Variants in MYBBP1A observed in about 807,000 individuals in gnomAD.
MYBBP1A encodes the protein MYB binding protein 1a, also known as myb-binding protein 1A.
A neutral mutation model predicts 136.3 loss-of-function variants in MYBBP1A; 147 were observed. That is an observed-to-expected ratio of 1.08 (90% CI 0.94 to 1.24). The LOEUF (loss-of-function observed/expected upper bound fraction) is 1.24. MYBBP1A is among the 50% of genes most tolerant of loss of function. MYBBP1A has a pLI of 0.00. For missense variants in MYBBP1A, 2,060 were observed against 1,727.4 expected, an observed-to-expected ratio of 1.19 and a Z score of -3.41; for synonymous variants, 947 against 735.8, an observed-to-expected ratio of 1.29 and a Z score of -4.65.
chr17:4,540,088 CT>C, intron 25 of MYBBP1A, 121 bp from the exon 26 acceptor site: 1 of 1,282,282 alleles, frequency 7.8e-7, no homozygotes, highest in Admixed American at 2.2e-5. Context: ...TGTGAGGCCC[CT>C]ATGAGGGTCC....
intron 13 of MYBBP1A, among the ~76,000 whole-genome samples, chr17:4,547,350 G>A (rs952411372): frequency 7.2e-5 from 11 of 152,280 alleles, no homozygotes; most frequent in South Asian, 2.1e-4. Flanking sequence ...AAGGCCTGAC[G>A]TCAAGAATTG....
intron 2 of MYBBP1A, 85 bp downstream of exon 2, chr17:4,554,776 C>T: frequency 2.2e-6 from 3 of 1,351,436 alleles, no homozygotes; most frequent in Non-Finnish European, 3.1e-6. Flanking sequence ...GCCCCTCCGC[C>T]ACAGCTGAGA....
rs768703531 is a variant in MYBBP1A, at chr17:4,552,202, G to T, written c.828C>A (p.Leu276=). The change falls in exon 7 of 26, where the codon CTC becomes CTA. Residue 276 remains leucine (L), a synonymous_variant. Coordinates refer to ENST00000254718, the MANE Select transcript of MYBBP1A (RefSeq NM_014520.4). This position sits in a 1 kb window ranked among gnomAD's most constrained non-coding sequence, Gnocchi z 4.7. The part of the protein sequence containing the change: ...AIALDLLRLA[L]KEDKFPRFWK... ...AGAACCGTGGGAACTTGTCTTCCTT[G>T]AGTGCCAGGCGGAGCAGGTCCAGAG... is the stretch of plus-strand genomic sequence containing the variant. 3 of 1,614,214 alleles carry T rather than the reference G, an allele frequency of 1.9e-6. No individual in the cohort carries two copies. The South Asian group carries it at 3.3e-5, about 18-fold the overall frequency.
rs373020054 is a variant in MYBBP1A at position 4,543,145 on chromosome 17, C to T, written c.2660G>A (p.Arg887Gln). The T allele has an allele frequency of 6.2e-5, 99 of 1,608,740 alleles. No homozygotes were observed. The highest frequency in any genetic ancestry group is 1.8e-4 in the South Asian group (16 of 90,896). ...RIFTHHLCRA[R>Q]RYCHDLGERA... ...CTCACCCAAGTCGTGGCAGTAGCGC[C>T]GGGCACGGCACAGGTGGTGCCTGTG... Residue 887 changes from arginine to glutamine, a missense_variant, in exon 20 of 26, where the codon CGG (arginine) becomes CAG (glutamine). Physicochemically the swap from Arg to Gln is conservative, Grantham distance 43. Coordinates refer to ENST00000254718, the MANE Select transcript of MYBBP1A (RefSeq NM_014520.4).
rs746901699 is a variant in MYBBP1A, at chr17:4,549,359, T to A, written c.1403A>T (p.Glu468Val). ...SIVDSLHLEMEEALTEQVARF... is the reference protein window; with the variant it reads ...SIVDSLHLEMVEALTEQVARF... ...GGCCACCTGCTCAGTCAAGGCCTCC[T>A]CCATCTCCAGGTGCAGGCTGTCCAC... Residue 468 changes from glutamate to valine, a missense_variant, in exon 10 of 26, where the codon GAG (glutamate) becomes GTG (valine). By Grantham distance (121) the Glu-to-Val change is moderately radical. Transcript: ENST00000254718. 17 of 1,612,616 alleles carry A rather than the reference T, an allele frequency of 1.1e-5. No homozygotes were observed. The African/African-American group carries it at 1.6e-4, about 15-fold the overall frequency.
chr17:4,541,582 G>C lies in MYBBP1A; in HGVS notation c.3196-18C>G. ...CGCAAGTTCTAGGGAAGGGTGGCCA[G>C]GCTGAGGCACTCCGGAGAGCTGCTC... On this transcript the variant is annotated intron_variant, in intron 23 of 25. Coordinates refer to ENST00000254718, the MANE Select transcript of MYBBP1A (RefSeq NM_014520.4). 1.2e-6 allele frequency: 2 copies of C among 1,608,494 alleles called. No individual in the cohort carries two copies. Among genetic ancestry groups the C allele is most frequent in the Non-Finnish European group, 1.7e-6 (2 of 1,178,460 alleles).
At chr17:4,542,036 G>T in intron 22 of MYBBP1A, 145 bp from the exon 23 acceptor site, 1 of 637,596 alleles carries the variant, frequency 1.6e-6, no homozygotes, top group Non-Finnish European at 2.7e-6. Flanking sequence ...GTGACTACCT[G>T]CTCCTGTGCC....
chr17:4,550,804 T>C (rs1014878881), intron 8 of MYBBP1A, among the ~76,000 whole-genome samples: 2 of 152,246 alleles, frequency 1.3e-5, no homozygotes, highest in African/African-American at 4.8e-5. Context: ...CAACCACCTC[T>C]CACGCGCTTA....
At chr17:4,544,240 G>A (rs1054470468) in intron 19 of MYBBP1A, among the ~76,000 whole-genome samples, 2 of 143,472 alleles carry the variant, frequency 1.4e-5, no homozygotes, top group African/African-American at 5.7e-5. Flanking sequence ...AGACTGTCAA[G>A]GGCAGGGATG....
At chr17:4,553,601 T>C (rs1442951864) in intron 5 of MYBBP1A, among the ~76,000 whole-genome samples, 4 of 152,242 alleles carry the variant, frequency 2.6e-5, no homozygotes, top group Non-Finnish European at 4.4e-5. Flanking sequence ...GAAATAATAT[T>C]TTAGATATAC....
At position 4,542,997 on chromosome 17, in the gene MYBBP1A, G is replaced by T; in HGVS notation, c.2808C>A (p.Gly936=). The change falls in exon 20 of 26, where the codon GGC becomes GGA. Residue 936 remains glycine (G), a synonymous_variant. Coordinates refer to ENST00000254718, the MANE Select transcript of MYBBP1A (RefSeq NM_014520.4). ...ASLYLLRVLK[G]NTAEGCVHET... is the part of the protein sequence containing the mutation. The stretch of plus-strand genomic sequence containing the variant: ...CATGCACGCAGCCCTCAGCAGTGTT[G>T]CCCTTCAAGACCCGGAGCAGGTAGA... 1.2e-6 allele frequency: 2 copies of T among 1,614,046 alleles called. No homozygotes were observed. Among genetic ancestry groups the T allele is most frequent in the Non-Finnish European group, 1.7e-6 (2 of 1,179,996 alleles).
Position 4,555,263 on chromosome 17 carries a change from C to A in MYBBP1A, c.62G>T (p.Arg21Leu). Residue 21 changes from arginine to leucine, a missense_variant, in exon 1 of 26, where the codon CGG (arginine) becomes CTG (leucine). Coordinates refer to ENST00000254718, the MANE Select transcript of MYBBP1A (RefSeq NM_014520.4). The stretch of plus-strand genomic sequence containing the variant: ...CAATAGGCCATAGCGGTCGGCAGGC[C>A]GGGCGCCACTCTGCGTCGCTTCTCC... ...SPGEATQSGA[R>L]PADRYGLLKH... The A allele has an allele frequency of 6.2e-7, 1 of 1,611,670 alleles. No homozygotes were observed. Among genetic ancestry groups the A allele is most frequent in the Non-Finnish European group, 8.5e-7 (1 of 1,179,494 alleles).
Position 4,548,196 on chromosome 17 carries a change from G to A in MYBBP1A, c.1671C>T (p.His557=). The A allele has an allele frequency of 6.2e-7, 1 of 1,607,580 alleles. No individual in the cohort carries two copies. The highest frequency in any genetic ancestry group is 8.5e-7 in the Non-Finnish European group (1 of 1,179,986). The part of the protein sequence containing the change: ...QFADLLLNHS[H]NVTTVTPFTA... The stretch of plus-strand genomic sequence containing the variant: ...TGAAGGGTGTCACGGTGGTCACGTT[G>A]TGGCTGTGATTCAACAGGAGGTCTG... Residue 557 remains histidine (H), a synonymous_variant, in exon 12 of 26, where the codon CAC becomes CAT. Coordinates refer to ENST00000254718, the MANE Select transcript of MYBBP1A (RefSeq NM_014520.4). The surrounding 1 kb of genome is among the most constrained non-coding windows in gnomAD (Gnocchi z 4.2).
In MYBBP1A at chr17:4,541,562, G is replaced by A. The variant is rs1213032874; in HGVS notation, c.3198C>T (p.Asn1066=). Residue 1066 remains asparagine, a splice_region_variant and synonymous_variant, in exon 24 of 26, where the codon AAC becomes AAT. Coordinates refer to ENST00000254718, the MANE Select transcript of MYBBP1A (RefSeq NM_014520.4). The part of the protein sequence containing the change: ...MGQVLAKVTE[N]LRVLGEAQTK... ...TCTGCGCCTCCCCCAGCACGCGCAAGTTCTAGGGAAGGGTGGCCAGGCTGA... is the reference window on the plus strand; with the variant it reads ...TCTGCGCCTCCCCCAGCACGCGCAAATTCTAGGGAAGGGTGGCCAGGCTGA... 3.1e-6 allele frequency: 5 copies of A among 1,611,814 alleles called. No individual in the cohort carries two copies. In the African/African-American group the frequency reaches 6.7e-5, roughly 22 times the overall value.
chr17:4,545,970 G>A lies in MYBBP1A; in HGVS notation c.1825-28C>T, dbSNP rs778020094. Reference sequence around the variant, plus strand: ...GCGGGCAGGGTAGGACACACACTGGGGCCAGGCCCTGTCCCCAGCCCTTCT... The same window carrying A: ...GCGGGCAGGGTAGGACACACACTGGAGCCAGGCCCTGTCCCCAGCCCTTCT... On this transcript the variant is annotated intron_variant, in intron 13 of 25. Transcript: ENST00000254718. The A allele has an allele frequency of 1.9e-6, 3 of 1,600,930 alleles. No homozygotes were observed. In the Admixed American group the frequency reaches 5.1e-5, roughly 27 times the overall value.
intron 19 of MYBBP1A, among the ~76,000 whole-genome samples, chr17:4,543,919 T>G (rs1330388756): frequency 1.3e-5 from 2 of 152,014 alleles, no homozygotes; most frequent in Non-Finnish European, 2.9e-5. Flanking sequence ...TGATAATGCC[T>G]CTGTGGCCTC....
rs1023047102 is a variant in MYBBP1A at position 4,540,477 on chromosome 17, G to A, written c.3305C>T (p.Thr1102Ile). ...LFRTCKHEKL[T>I]LDLTVLLGVL... ...ACCCAGGAGCACCGTCAGGTCCAAG[G>A]TCAGCTTCTGCAGAGGGTGGGAAGG... Residue 1102 changes from threonine (T) to isoleucine (I), a missense_variant, in exon 25 of 26, where the codon ACC becomes ATC. By Grantham distance (89) the Thr-to-Ile change is moderately conservative. Transcript: ENST00000254718. The A allele has an allele frequency of 1.9e-6, 3 of 1,608,400 alleles. No individual in the cohort carries two copies. The highest frequency in any genetic ancestry group is 2.7e-5 in the African/African-American group (2 of 74,872).
chr17:4,539,445 TTTC>T lies in MYBBP1A; in HGVS notation c.3954_3956del (p.Lys1319del), dbSNP rs1906137194. The T allele has an allele frequency of 6.2e-7, 1 of 1,613,678 alleles. No individual in the cohort carries two copies. The highest frequency in any genetic ancestry group is 8.5e-7 in the Non-Finnish European group (1 of 1,179,754). ...GCTTCCCTGCCTTCCTCACCTGTGC[TTTC>T]TTCTTGGCCCCACTCTGAAGCAGGC... On this transcript the variant is annotated inframe_deletion, in exon 26 of 26. Transcript: ENST00000254718.
Position 4,552,730 on chromosome 17 carries a change from G to A in MYBBP1A, c.562-104C>T. On this transcript the variant is annotated intron_variant, in intron 5 of 25. Coordinates refer to ENST00000254718, the MANE Select transcript of MYBBP1A (RefSeq NM_014520.4). The surrounding 1 kb of genome is among the most constrained non-coding windows in gnomAD (Gnocchi z 4.7). ...CGGGGCCACCTGGTGAGGTATCAGA[G>A]TCATCAGAGGCCAGTTGCTAACAAA... The A allele has an allele frequency of 9.5e-7, 1 of 1,050,550 alleles. No homozygotes were observed. The highest frequency in any genetic ancestry group is 1.4e-6 in the Non-Finnish European group (1 of 737,398). The allele number at this position is 1,050,550 out of a possible 1,614,324, so 65.1% of individuals were successfully genotyped here. A position where few individuals can be genotyped will look rare whatever the true frequency, so the allele number is the denominator to read the frequency against.
Sources: gnomAD v4.1 joint callset for allele counts (sites outside exome capture counted in the v4.1 genomes callset) on GRCh38, gnomAD v4.1.1 for gene constraint, Gnocchi (gnomAD v3.1) non-coding constraint, MANE v1.5 for transcripts, NCBI Gene and HGNC (gene_info 2026-07-23, HGNC 2026-07-21) for gene names.